ECT2L: variants seen among roughly 807,000 people sequenced by gnomAD.
The protein encoded by ECT2L is epithelial cell transforming 2 like.
In ECT2L, 126 loss-of-function variants were observed where a neutral mutation model predicts 122.8. The observed-to-expected ratio is 1.03, with a 90% CI of 0.89 to 1.19. The LOEUF is 1.19. ECT2L is among the 50% of genes most tolerant of loss of function. The probability of loss-of-function intolerance (pLI) is 0.00; values close to 1 mark genes in which losing one functional copy is unlikely to be tolerated. For synonymous variants in ECT2L, 385 were observed against 381.8 expected, an observed-to-expected ratio of 1.01 and a Z score of -0.10; for missense variants, 1,012 against 1,064.1, an observed-to-expected ratio of 0.95 and a Z score of 0.68.
chr6:138,889,230 A>C (rs1778933848), intron 20 of ECT2L, among the ~76,000 whole-genome samples, 199 bp downstream of exon 20: 1 of 152,198 alleles, frequency 6.6e-6, no homozygotes, highest in African/African-American at 2.4e-5. Flanking sequence ...CATTCCAGCC[A>C]GCTACTGGAT....
At chr6:138,817,432 T>C (rs1161338735) in intron 4 of ECT2L, among the ~76,000 whole-genome samples, 2 of 152,232 alleles carry the variant, frequency 1.3e-5, no homozygotes, top group Admixed American at 6.5e-5. Context: ...TTAGTATTAT[T>C]TGAATACTTG....
rs577640581 is a variant in ECT2L at position 138,805,817 on chromosome 6, A to G, written c.-243-7021A>G. 2.0e-5 allele frequency among the ~76,000 whole-genome samples: 3 copies of G among 152,322 alleles called. No individual in the cohort carries two copies. In the South Asian group the frequency reaches 6.2e-4, roughly 32 times the overall value. ...GGTCCATGCCCAGAAGTCACACATC[A>G]TCACTTCCACAACATCATTGGTTAA... On this transcript the variant is annotated intron_variant, in intron 1 of 21. Coordinates refer to ENST00000541398, the MANE Select transcript of ECT2L (RefSeq NM_001077706.3).
In ECT2L at chr6:138,797,915, G is replaced by A. The variant is rs188631393; in HGVS notation, c.-244+1723G>A. ...CAGGTTGTGACTATATGTTGTTTAT[G>A]ATTAACCAACCAGTTACAAATCTGG... On this transcript the variant is annotated intron_variant, in intron 1 of 21. Coordinates refer to ENST00000541398, the MANE Select transcript of ECT2L (RefSeq NM_001077706.3). Among the ~76,000 whole-genome samples, 334 of 152,286 alleles carry A rather than the reference G, an allele frequency of 2.2e-3. 1 individual carries two copies. Among genetic ancestry groups the A allele is most frequent in the Admixed American group, 4.3e-3 (66 of 15,292 alleles).
chr6:138,830,300 C>T (rs141901100), intron 4 of ECT2L, among the ~76,000 whole-genome samples: 7 of 152,280 alleles, frequency 4.6e-5, no homozygotes, highest in East Asian at 1.9e-4. Context: ...TTTTTCTAAA[C>T]GGCCAGATAG....
Position 138,843,014 on chromosome 6 carries a change from A to G in ECT2L, c.378A>G (p.Gly126=). The part of the protein sequence containing the change: ...CLWMPKCVKF[G]WFLPYTPTDN... ...GGATGCCCAAATGCGTTAAGTTCGG[A>G]TGGTTTCTGCCCTATACTCCAACAG... The change falls in exon 6 of 22, where the codon GGA becomes GGG. Residue 126 remains glycine, a synonymous_variant. Transcript: ENST00000541398. 6.4e-7 allele frequency: 1 copy of G among 1,569,070 alleles called. No homozygotes were observed. Among genetic ancestry groups the G allele is most frequent in the Non-Finnish European group, 8.7e-7 (1 of 1,150,836 alleles).
At chr6:138,892,641 G>A (rs1222630652) in intron 20 of ECT2L, among the ~76,000 whole-genome samples, 3 of 151,976 alleles carry the variant, frequency 2.0e-5, no homozygotes, top group African/African-American at 4.8e-5. Flanking sequence ...TTACAGGCAC[G>A]TGCCACCACG....
intron 1 of ECT2L, among the ~76,000 whole-genome samples, chr6:138,806,811 C>T (rs2089595084): frequency 6.6e-6 from 1 of 152,048 alleles, no homozygotes; most frequent in Non-Finnish European, 1.5e-5. Context: ...CTGCACCTGG[C>T]CACGCATAGC....
chr6:138,860,773 A>C (rs1454996146), intron 10 of ECT2L, among the ~76,000 whole-genome samples: 1 of 141,920 alleles, frequency 7.0e-6, no homozygotes, highest in East Asian at 2.0e-4. Flanking sequence ...GCTTTGTTAC[A>C]TGGGTATACA....
chr6:138,861,226 T>A (rs1304432828), intron 10 of ECT2L, among the ~76,000 whole-genome samples: 1 of 152,202 alleles, frequency 6.6e-6, no homozygotes, highest in Non-Finnish European at 1.5e-5. Context: ...TGATTTATAA[T>A]CCTTTGGGTA....
chr6:138,810,870 A>G (rs1169310389), intron 1 of ECT2L, among the ~76,000 whole-genome samples: 1 of 152,210 alleles, frequency 6.6e-6, no homozygotes, highest in Non-Finnish European at 1.5e-5. Context: ...TTTTTAGCTC[A>G]TGAGCTCTGT....
intron 4 of ECT2L, among the ~76,000 whole-genome samples, chr6:138,819,966 T>C (rs576502237): frequency 6.6e-6 from 1 of 152,312 alleles, no homozygotes; most frequent in Non-Finnish European, 1.5e-5. Context: ...CAAGTTTTCA[T>C]TACTTAATTC....
chr6:138,824,307 T>TA (rs199724375), intron 4 of ECT2L, among the ~76,000 whole-genome samples: 3,711 of 150,494 alleles, frequency 0.025, 130 homozygotes, highest in African/African-American at 0.084. Flanking sequence ...TAAAAGAAGT[T>TA]AAAAAAAAAC....
intron 15 of ECT2L, among the ~76,000 whole-genome samples, chr6:138,881,654 A>G (rs1343563590): frequency 1.3e-5 from 2 of 151,560 alleles, no homozygotes; most frequent in African/African-American, 4.9e-5. Flanking sequence ...TCTTGGGATG[A>G]TGGGAGACAA....
intron 10 of ECT2L, among the ~76,000 whole-genome samples, chr6:138,861,203 C>T (rs1338314407): frequency 1.3e-5 from 2 of 152,092 alleles, no homozygotes; most frequent in Non-Finnish European, 2.9e-5. Flanking sequence ...GTTCATGTGT[C>T]TTTATACTAG....
At chr6:138,846,721 GTTTT>G in intron 8 of ECT2L, 44 bp downstream of exon 8, 3 of 1,405,866 alleles carry the variant, frequency 2.1e-6, no homozygotes. Flanking sequence ...TTGTTTTTTT[GTTTT>G]TTGTTTTTTT....
At chr6:138,809,603 T>G (rs1282606351) in intron 1 of ECT2L, among the ~76,000 whole-genome samples, 2 of 152,238 alleles carry the variant, frequency 1.3e-5, no homozygotes, top group African/African-American at 4.8e-5. Flanking sequence ...ATATATGATC[T>G]TTTTTATATA....
rs559038875 is a variant in ECT2L, at chr6:138,822,708, A to G, written c.179+8105A>G. The G allele has an allele frequency of 3.2e-5, 50 of 1,557,404 alleles. No individual in the cohort carries two copies. In the East Asian group the frequency reaches 1.1e-3, roughly 33 times the overall value. On this transcript the variant is annotated intron_variant, in intron 4 of 21. Transcript: ENST00000541398. The stretch of plus-strand genomic sequence containing the variant: ...CAGCTCCCAGCGTGAGCGACGCAGA[A>G]GACGGGTGATTTCTGCATTTCCATC...
chr6:138,822,703 G>A (rs573448841), intron 4 of ECT2L: 111 of 1,537,966 alleles, frequency 7.2e-5, no homozygotes, highest in East Asian at 2.1e-4. Flanking sequence ...CGTGAGCGAC[G>A]CAGAAGACGG....
chr6:138,870,437 CA>C (rs1778212587), intron 13 of ECT2L, among the ~76,000 whole-genome samples: 1 of 152,074 alleles, frequency 6.6e-6, no homozygotes, highest in Non-Finnish European at 1.5e-5. Context: ...GTCATTTCTC[CA>C]AAGAATTTTA....
Sources: gnomAD v4.1 joint callset for allele counts (sites outside exome capture counted in the v4.1 genomes callset) on GRCh38, gnomAD v4.1.1 for gene constraint, MANE v1.5 for transcripts, NCBI Gene and HGNC (gene_info 2026-07-23, HGNC 2026-07-21) for gene names.